The following PCDHA9 variants were observed in gnomAD, a reference collection of about 807,000 sequenced individuals.
PCDHA9 encodes protocadherin alpha 9.
In PCDHA9, 62 loss-of-function variants were observed where a neutral mutation model predicts 62.0. The ratio of observed to expected loss-of-function variants is 1.00; its 90% CI spans 0.81 to 1.23. PCDHA9 has a LOEUF of 1.23. PCDHA9 is among the 50% of genes most tolerant of loss of function. The pLI is 0.00. For synonymous variants in PCDHA9, 557 were observed against 567.6 expected (o/e 0.98, Z 0.27); for missense variants, 1,205 against 1,249.8 (o/e 0.96, Z 0.54).
chr5:140,954,316 C>T (rs1406547197), intron 1 of PCDHA9, among the ~76,000 whole-genome samples: 6 of 152,140 alleles, frequency 3.9e-5, no homozygotes, highest in South Asian at 4.1e-4. Context: ...GGGATTGCTG[C>T]GTCAAATGGT....
chr5:141,002,494 C>CGGT (rs2098083464), intron 3 of PCDHA9, among the ~76,000 whole-genome samples: 1 of 152,228 alleles, frequency 6.6e-6, no homozygotes, highest in Admixed American at 6.5e-5. Flanking sequence ...CCTTGTTATA[C>CGGT]AGCTCAGGAT....
intron 3 of PCDHA9, among the ~76,000 whole-genome samples, chr5:140,991,807 C>T (rs782693963): frequency 4.6e-5 from 7 of 152,278 alleles, no homozygotes; most frequent in Admixed American, 6.5e-5. Context: ...AGGCCACTTC[C>T]GCATTTTTAG....
rs148067258 is a variant in PCDHA9 at position 140,850,948 on chromosome 5, G to A, written c.2394+59G>A. The A allele has an allele frequency of 9.7e-3, 14,493 of 1,499,630 alleles. 1,246 individuals are homozygous for A. Among genetic ancestry groups the A allele is most frequent in the Non-Finnish European group, 0.01 (11,557 of 1,116,880 alleles). The allele number at this position is 1,499,630 out of a possible 1,614,324, so 92.9% of individuals were successfully genotyped here. On this transcript the variant is annotated intron_variant, in intron 1 of 3. Coordinates refer to ENST00000532602, the MANE Select transcript of PCDHA9 (RefSeq NM_031857.2). The stretch of plus-strand genomic sequence containing the variant: ...ATTTTTTTTCTTGAAAGATATTATC[G>A]ATTACTCCCAGGGGCCGTTCAAATA...
intron 1 of PCDHA9, chr5:140,926,601 T>G: frequency 3.1e-6 from 1 of 317,718 alleles, no homozygotes; most frequent in Non-Finnish European, 5.7e-6. Context: ...GCGGGCGGCC[T>G]CGTCTCTGCA....
In PCDHA9 at chr5:140,993,233, G is replaced by A. The variant is rs143093605; in HGVS notation, c.2542+10670G>A. ...TTTAGCTTTTTGGTATGTTCTCTCT[G>A]AATCTGGGGATTTAGATATATAAAT... On this transcript the variant is annotated intron_variant, in intron 3 of 3. Coordinates refer to ENST00000532602, the MANE Select transcript of PCDHA9 (RefSeq NM_031857.2). Among the ~76,000 whole-genome samples the A allele has an allele frequency of 2.0e-5, 3 of 152,224 alleles. No individual in the cohort carries two copies. The East Asian group carries it at 5.8e-4, about 29-fold the overall frequency.
At chr5:140,903,545 CTT>C (rs1410531246) in intron 1 of PCDHA9, among the ~76,000 whole-genome samples, 2 of 152,130 alleles carry the variant, frequency 1.3e-5, no homozygotes, top group East Asian at 3.8e-4. Flanking sequence ...GAGCAAGAAA[CTT>C]TTCTAATAAG....
rs567371259 is a variant in PCDHA9, at chr5:140,910,950, G to A, written c.2394+60061G>A. ...TAAGAAAGCTCAAGCAGTTCTTTTC[G>A]AGTGTAGCACACCTCCTCATGGGTT... On this transcript the variant is annotated intron_variant, in intron 1 of 3. Coordinates refer to ENST00000532602, the MANE Select transcript of PCDHA9 (RefSeq NM_031857.2). Among the ~76,000 whole-genome samples, 203 of 152,092 alleles carry A rather than the reference G, an allele frequency of 1.3e-3. 1 individual carries two copies. Among genetic ancestry groups the A allele is most frequent in the Non-Finnish European group, 2.4e-3 (165 of 68,000 alleles).
At chr5:140,993,510 G>A (rs144120217) in intron 3 of PCDHA9, among the ~76,000 whole-genome samples, 7 of 129,138 alleles carry the variant, frequency 5.4e-5, no homozygotes, top group African/African-American at 1.4e-4. Context: ...ACACACACAC[G>A]GGGAGAGAGA....
intron 1 of PCDHA9, among the ~76,000 whole-genome samples, chr5:140,899,678 G>C (rs1554188694): frequency 6.6e-6 from 1 of 152,210 alleles, no homozygotes; most frequent in Non-Finnish European, 1.5e-5. Flanking sequence ...TTGGTATCAG[G>C]ATGATGCTGG....
intron 1 of PCDHA9, among the ~76,000 whole-genome samples, chr5:140,945,758 G>A (rs1483102794): frequency 6.6e-6 from 1 of 152,014 alleles, no homozygotes; most frequent in Non-Finnish European, 1.5e-5. Flanking sequence ...ATAAATGGTG[G>A]TGGGACAATT....
intron 1 of PCDHA9, chr5:140,876,785 C>T (rs1554168921): frequency 3.1e-6 from 5 of 1,614,206 alleles, no homozygotes; most frequent in Admixed American, 1.7e-5. Flanking sequence ...CTGTGGGCCA[C>T]GGCTAGAGTG....
At chr5:140,921,781 G>C (rs1393443819) in intron 1 of PCDHA9, among the ~76,000 whole-genome samples, 1 of 151,986 alleles carries the variant, frequency 6.6e-6, no homozygotes, top group Non-Finnish European at 1.5e-5. Context: ...TACTGACTTG[G>C]ATGTTCTAGA....
intron 1 of PCDHA9, among the ~76,000 whole-genome samples, chr5:140,925,696 A>G (rs2153579068): frequency 6.6e-6 from 1 of 150,926 alleles, no homozygotes; most frequent in African/African-American, 2.4e-5. Context: ...GTGGGTATCT[A>G]GCCTATTCTT....
At chr5:140,957,080 A>G (rs2095331610) in intron 1 of PCDHA9, among the ~76,000 whole-genome samples, 1 of 152,174 alleles carries the variant, frequency 6.6e-6, no homozygotes. Flanking sequence ...CTTTTTATTA[A>G]GGAAAATGAA....
At chr5:140,993,543 G>C (rs1263683239) in intron 3 of PCDHA9, among the ~76,000 whole-genome samples, 1 of 151,590 alleles carries the variant, frequency 6.6e-6, no homozygotes, top group Non-Finnish European at 1.5e-5. Context: ...GAGAGATAGA[G>C]AAGTGAAGTA....
intron 1 of PCDHA9, chr5:140,927,527 C>A (rs1554204693): frequency 6.2e-7 from 1 of 1,614,084 alleles, no homozygotes. Flanking sequence ...GGGCTACCTG[C>A]CCGCTCAGGA....
At chr5:140,863,211 C>G in intron 1 of PCDHA9, 5 of 1,030,298 alleles carry the variant, frequency 4.9e-6, no homozygotes, top group Non-Finnish European at 7.2e-6. Context: ...CGGAGAGCAG[C>G]CAAGCGAGGA....
chr5:140,982,427 G>C, intron 2 of PCDHA9, 48 bp from the exon 3 acceptor site: 1 of 1,612,412 alleles, frequency 6.2e-7, no homozygotes, highest in Non-Finnish European at 8.5e-7. Context: ...GAAGAGATGG[G>C]AAAGAATTTA....
At chr5:140,946,506 A>G (rs1231345135) in intron 1 of PCDHA9, among the ~76,000 whole-genome samples, 1 of 151,616 alleles carries the variant, frequency 6.6e-6, no homozygotes, top group Non-Finnish European at 1.5e-5. Context: ...CAGTATGTCA[A>G]AGACCTATCC....
Sources: gnomAD v4.1 joint callset for allele counts (sites outside exome capture counted in the v4.1 genomes callset) on GRCh38, gnomAD v4.1.1 for gene constraint, MANE v1.5 for transcripts, NCBI Gene and HGNC (gene_info 2026-07-23, HGNC 2026-07-21) for gene names.